Variants in PPARGC1A observed in about 807,000 individuals in gnomAD.
The protein encoded by PPARGC1A is peroxisome proliferator-activated receptor gamma coactivator 1-alpha.
Under a neutral mutation model 88.7 loss-of-function variants are expected in PPARGC1A, and 25 were observed. The observed-to-expected ratio is 0.28, with a 90% confidence interval of 0.21 to 0.39. PPARGC1A has a LOEUF of 0.39. PPARGC1A is among the 10% of genes least tolerant of loss of function. The pLI, the probability that PPARGC1A is intolerant of heterozygous loss-of-function variation, is 1.00. For synonymous variants in PPARGC1A, 363 were observed against 355.6 expected (o/e 1.02, Z -0.24); for missense variants, 880 against 968.7 (o/e 0.91, Z 1.22).
the PPARGC1A span, among the ~76,000 whole-genome samples, chr4:24,467,526 A>C: frequency 1.3e-5 from 2 of 152,134 alleles, no homozygotes; most frequent in Admixed American, 1.3e-4. Flanking sequence ...CCACTTTAAG[A>C]ATTATGAAAT....
At chr4:23,889,573 A>G (rs1311519379) in intron 1 of PPARGC1A, among the ~76,000 whole-genome samples, 1 of 152,194 alleles carries the variant, frequency 6.6e-6, no homozygotes, top group African/African-American at 2.4e-5. Flanking sequence ...ACACCACTGG[A>G]AAGACTTCAG....
chr4:23,795,879 A>G lies in PPARGC1A; in HGVS notation c.2340T>C (p.Tyr780=). 6.2e-7 allele frequency: 1 copy of G among 1,611,004 alleles called. No individual in the cohort carries two copies. Among genetic ancestry groups the G allele is most frequent in the Non-Finnish European group, 8.5e-7 (1 of 1,178,884 alleles). ...GTAAACTATCAAAATCCAGAGAGTC[A>G]TACTTGCTCTTGGTGGAAGCAGGGT... The part of the protein sequence containing the change: ...DFDPASTKSK[Y]DSLDFDSLLK... Residue 780 remains tyrosine, a synonymous_variant, in exon 13 of 13, where the codon TAT becomes TAC. Transcript: ENST00000264867.
the PPARGC1A span, among the ~76,000 whole-genome samples, chr4:24,242,261 C>T: frequency 6.6e-6 from 1 of 152,194 alleles, no homozygotes; most frequent in Non-Finnish European, 1.5e-5. Context: ...CAGGACAGAG[C>T]CCAACACGCC....
At chr4:23,860,716 G>A (rs1390597104) in intron 2 of PPARGC1A, among the ~76,000 whole-genome samples, 1 of 152,104 alleles carries the variant, frequency 6.6e-6, no homozygotes, top group Non-Finnish European at 1.5e-5. Context: ...TCAGCAAGAA[G>A]CCAAAGAAGC....
upstream of PPARGC1A, among the ~76,000 whole-genome samples, chr4:23,894,653 G>C (rs1305772720): frequency 6.6e-6 from 1 of 152,110 alleles, no homozygotes; most frequent in Non-Finnish European, 1.5e-5. Flanking sequence ...CTATGGAACT[G>C]AGTCAGCCTC....
chr4:23,829,431 T>C, intron 4 of PPARGC1A, 32 bp downstream of exon 4: 1 of 1,607,376 alleles, frequency 6.2e-7, no homozygotes, highest in Non-Finnish European at 8.5e-7. Flanking sequence ...CTTTGGTACA[T>C]CCCCCCTGTA....
intron 1 of PPARGC1A, among the ~76,000 whole-genome samples, chr4:23,895,953 T>C (rs1452622134): frequency 2.0e-5 from 1 of 49,002 alleles, no homozygotes; most frequent in Non-Finnish European, 4.2e-5. Flanking sequence ...TGTGTGTGTG[T>C]GTGTGTGTGT....
At chr4:24,141,462 G>A in the PPARGC1A span, among the ~76,000 whole-genome samples, 2 of 152,232 alleles carry the variant, frequency 1.3e-5, no homozygotes, top group Non-Finnish European at 2.9e-5. Context: ...TTATTAACCA[G>A]CTCTGCCAAG....
the PPARGC1A span, among the ~76,000 whole-genome samples, chr4:24,426,761 C>A: frequency 6.6e-6 from 1 of 152,166 alleles, no homozygotes; most frequent in Non-Finnish European, 1.5e-5. Flanking sequence ...TTTTCCCTCT[C>A]TAGTGTTATC....
chr4:23,904,081 A>G, upstream of PPARGC1A: 1 of 979,442 alleles, frequency 1.0e-6, no homozygotes. Flanking sequence ...GAGATGAGGG[A>G]ACACTCACAA....
the PPARGC1A span, among the ~76,000 whole-genome samples, chr4:24,145,897 C>T: frequency 3.9e-5 from 6 of 152,156 alleles, no homozygotes; most frequent in Non-Finnish European, 5.9e-5. Context: ...GAAACTTCCA[C>T]AAGGACGTGT....
chr4:24,117,164 T>G, the PPARGC1A span, among the ~76,000 whole-genome samples: 5 of 152,162 alleles, frequency 3.3e-5, no homozygotes, highest in South Asian at 1.0e-3. Flanking sequence ...TAATATCCCA[T>G]CAATAGAGAG....
At chr4:24,170,190 G>T in the PPARGC1A span, among the ~76,000 whole-genome samples, 1 of 152,126 alleles carries the variant, frequency 6.6e-6, no homozygotes, top group African/African-American at 2.4e-5. Context: ...ATCTGCTACT[G>T]AGTGGTGGTG....
the PPARGC1A span, among the ~76,000 whole-genome samples, chr4:24,026,027 T>C: frequency 1.3e-5 from 2 of 152,366 alleles, no homozygotes; most frequent in East Asian, 1.9e-4. Context: ...TTGTCTGCCC[T>C]ACATCTTTAA....
At chr4:24,238,538 A>G in the PPARGC1A span, among the ~76,000 whole-genome samples, 1 of 152,180 alleles carries the variant, frequency 6.6e-6, no homozygotes, top group African/African-American at 2.4e-5. Flanking sequence ...AGCATCTATT[A>G]AATTAAGCCA....
chr4:23,900,159 G>A (rs983070785), upstream of PPARGC1A, among the ~76,000 whole-genome samples: 2 of 152,074 alleles, frequency 1.3e-5, no homozygotes, highest in African/African-American at 2.4e-5. Flanking sequence ...TAAGTTTCTC[G>A]ATCTATTTCC....
At chr4:24,248,229 A>C in the PPARGC1A span, among the ~76,000 whole-genome samples, 1 of 151,960 alleles carries the variant, frequency 6.6e-6, no homozygotes, top group Non-Finnish European at 1.5e-5. Context: ...GGTTCACGCC[A>C]TTCTCCTGCC....
At chr4:24,411,315 G>A in the PPARGC1A span, among the ~76,000 whole-genome samples, 6,831 of 152,288 alleles carry the variant, frequency 0.045, 487 homozygotes, top group African/African-American at 0.15. Flanking sequence ...CTGCAGCACT[G>A]CTGTGAGTTG....
chr4:24,126,607 T>TCCCA, the PPARGC1A span, among the ~76,000 whole-genome samples: 58 of 152,260 alleles, frequency 3.8e-4, no homozygotes, highest in Middle Eastern at 3.4e-3. Context: ...AAAGATGATG[T>TCCCA]CCCAGAGGCT....
Sources: gnomAD v4.1 joint callset for allele counts (sites outside exome capture counted in the v4.1 genomes callset) on GRCh38, gnomAD v4.1.1 for gene constraint, MANE v1.5 for transcripts, NCBI Gene and HGNC (gene_info 2026-07-23, HGNC 2026-07-21) for gene names.